SCCPDH: variants seen among roughly 807,000 people sequenced by gnomAD.
SCCPDH encodes saccharopine dehydrogenase (putative), also known as saccharopine dehydrogenase-like oxidoreductase.
SCCPDH carries 34 observed loss-of-function variants against 51.5 expected under a neutral mutation model. The ratio of observed to expected loss-of-function variants is 0.66; its 90% CI spans 0.50 to 0.88. The LOEUF (loss-of-function observed/expected upper bound fraction) is 0.88. Among genes scored for constraint, SCCPDH ranks in the 40% least tolerant of loss-of-function variants. The pLI, the probability that SCCPDH is intolerant of heterozygous loss-of-function variation, is 0.00. For synonymous variants in SCCPDH, 187 were observed against 191.3 expected (o/e 0.98, Z 0.19); for missense variants, 464 against 527.1 (o/e 0.88, Z 1.17).
chr1:246,746,249 G>A (rs532211703), intron 5 of SCCPDH, among the ~76,000 whole-genome samples: 34 of 152,174 alleles, frequency 2.2e-4, no homozygotes, highest in Middle Eastern at 3.4e-3. Flanking sequence ...GGGGGTCCAC[G>A]TGAGAGGATC....
intron 2 of SCCPDH, among the ~76,000 whole-genome samples, chr1:246,730,789 TG>T (rs2102980246): frequency 6.6e-6 from 1 of 152,286 alleles, no homozygotes; most frequent in African/African-American, 2.4e-5. Context: ...CCAGGCGCGG[TG>T]GGTCATGCCT....
rs1477360138 is a variant in SCCPDH at position 246,759,149 on chromosome 1, C to T, written c.811C>T (p.Pro271Ser). The T allele has an allele frequency of 3.6e-6, 5 of 1,388,778 alleles. No individual in the cohort carries two copies. Among genetic ancestry groups the T allele is most frequent in the Middle Eastern group, 1.8e-4 (1 of 5,648 alleles). The allele number at this position is 1,388,778 out of a possible 1,614,324, so 86.0% of individuals were successfully genotyped here. The change falls in exon 7 of 12, where the codon CCA (proline) becomes TCA (serine). Residue 271 changes from proline (P) to serine (S), a missense_variant and splice_region_variant. Pro to Ser is a moderately conservative substitution (Grantham distance 74, BLOSUM62 -1). Transcript: ENST00000366510. ...RYLYENLEES[P>S]VQYAAYVTVG... The stretch of plus-strand genomic sequence containing the variant: ...CTTGTATGAAAATTTAGAGGAATCA[C>T]CAGTAAGTATATATGGTTTATTTAT...
rs1036438660 is a variant in SCCPDH at position 246,764,754 on chromosome 1, C to T, written c.1102+397C>T. Among the ~76,000 whole-genome samples the T allele has an allele frequency of 2.0e-5, 3 of 152,342 alleles. No homozygotes were observed. The Middle Eastern group carries it at 0.01, about 518-fold the overall frequency. ...ACATTGTTTGTAAAATATGTATGCA[C>T]ACGTGCACTTTTCAAGGGAAGGGAA... is the stretch of plus-strand genomic sequence containing the variant. On this transcript the variant is annotated intron_variant, in intron 10 of 11. Transcript: ENST00000366510.
intron 6 of SCCPDH, 109 bp downstream of exon 6, chr1:246,758,465 G>C: frequency 1.4e-6 from 1 of 706,282 alleles, no homozygotes; most frequent in Non-Finnish European, 2.2e-6. Context: ...CTAATTTGTA[G>C]TAAGTTCAGA....
intron 7 of SCCPDH, among the ~76,000 whole-genome samples, chr1:246,759,615 T>C (rs980781715): frequency 6.6e-6 from 1 of 152,236 alleles, no homozygotes; most frequent in African/African-American, 2.4e-5. Flanking sequence ...CATTTTCTTA[T>C]AGGAGTCTAC....
chr1:246,734,805 AT>A (rs1252873300), intron 2 of SCCPDH, among the ~76,000 whole-genome samples: 2 of 152,228 alleles, frequency 1.3e-5, no homozygotes, highest in Admixed American at 6.5e-5. Context: ...AAAGGAAAAG[AT>A]TTGTCATGCT....
At chr1:246,746,567 G>T (rs142024812) in intron 5 of SCCPDH, among the ~76,000 whole-genome samples, 1 of 152,146 alleles carries the variant, frequency 6.6e-6, no homozygotes, top group Admixed American at 6.5e-5. Context: ...GTGGCTAGGC[G>T]CAGTGGCTCA....
rs201724601 is a variant in SCCPDH, at chr1:246,767,334, G to C, written c.*34G>C. The C allele has an allele frequency of 7.9e-7, 1 of 1,269,898 alleles. No individual in the cohort carries two copies. The highest frequency in any genetic ancestry group is 1.4e-5 in the South Asian group (1 of 69,656). 78.7% of individuals were successfully genotyped at this position (1,269,898 alleles called of 1,614,324 possible). On this transcript the variant is annotated 3_prime_UTR_variant, in exon 12 of 12. Transcript: ENST00000366510. ...AGAATTAACTGAAGTCATAACGTGC[G>C]TGAATTAACAGCTTCTCTATTTGAT... is the stretch of plus-strand genomic sequence containing the variant.
intron 3 of SCCPDH, among the ~76,000 whole-genome samples, chr1:246,737,653 A>G (rs527941050): frequency 5.9e-5 from 9 of 151,838 alleles, no homozygotes; most frequent in Non-Finnish European, 1.2e-4. Context: ...GTGCAGTGCT[A>G]CGATCTTGGC....
chr1:246,752,084 C>T (rs537735422), intron 5 of SCCPDH, among the ~76,000 whole-genome samples: 1 of 152,036 alleles, frequency 6.6e-6, no homozygotes, highest in African/African-American at 2.4e-5. Context: ...CCGGCTAATT[C>T]TCCTTTTTTT....
chr1:246,724,447 C>T lies in SCCPDH; in HGVS notation c.25C>T (p.His9Tyr), dbSNP rs1370485856. Residue 9 changes from histidine (H) to tyrosine (Y), a missense_variant, in exon 1 of 12, where the codon CAC becomes TAC. Physicochemically the swap from His to Tyr is moderately conservative, Grantham distance 83 (BLOSUM62 2). Coordinates refer to ENST00000366510, the MANE Select transcript of SCCPDH (RefSeq NM_016002.3). MATEQRPF[H>Y]LVVFGASGFT... ...CATGGCGACCGAGCAGAGGCCTTTC[C>T]ACCTGGTGGTGTTCGGCGCGTCTGG... 2 of 1,586,440 alleles carry T rather than the reference C, an allele frequency of 1.3e-6. No individual in the cohort carries two copies. Among genetic ancestry groups the T allele is most frequent in the Non-Finnish European group, 1.7e-6 (2 of 1,169,348 alleles).
At chr1:246,758,983 C>A (rs754674802) in intron 6 of SCCPDH, 51 bp from the exon 7 acceptor site, 2 of 1,041,192 alleles carry the variant, frequency 1.9e-6, no homozygotes, top group Non-Finnish European at 3.0e-6. Context: ...CATTTACCAG[C>A]CAAAGTTGTA....
At chr1:246,743,460 G>A (rs572182539) in intron 4 of SCCPDH, among the ~76,000 whole-genome samples, 54 of 151,956 alleles carry the variant, frequency 3.6e-4, no homozygotes, top group African/African-American at 1.3e-3. Flanking sequence ...GTACGCGCCT[G>A]TAATCCCAGC....
chr1:246,739,427 C>T (rs1039026665), intron 3 of SCCPDH, among the ~76,000 whole-genome samples: 9 of 152,068 alleles, frequency 5.9e-5, no homozygotes, highest in Non-Finnish European at 8.8e-5. Context: ...TCATCAGAGA[C>T]AAGGAAAGTG....
intron 4 of SCCPDH, among the ~76,000 whole-genome samples, chr1:246,743,278 G>A (rs934248810): frequency 1.3e-5 from 2 of 151,966 alleles, no homozygotes; most frequent in African/African-American, 4.8e-5. Context: ...CACTGCAGCT[G>A]GCTAATTTTT....
At chr1:246,728,546 C>T (rs1358085656) in intron 2 of SCCPDH, among the ~76,000 whole-genome samples, 1 of 152,244 alleles carries the variant, frequency 6.6e-6, no homozygotes, top group Non-Finnish European at 1.5e-5. Context: ...TTGTGTGGTG[C>T]TTAGCACCTC....
At chr1:246,742,670 T>C (rs1221568268) in intron 4 of SCCPDH, among the ~76,000 whole-genome samples, 2 of 152,232 alleles carry the variant, frequency 1.3e-5, no homozygotes, top group Non-Finnish European at 2.9e-5. Flanking sequence ...GTTGATGACG[T>C]GGTTATTTAT....
At chr1:246,724,922 G>C (rs1291664796) in intron 1 of SCCPDH, among the ~76,000 whole-genome samples, 1 of 152,044 alleles carries the variant, frequency 6.6e-6, no homozygotes, top group Non-Finnish European at 1.5e-5. Context: ...TCAAGAACTT[G>C]AGTTGTCCCT....
intron 3 of SCCPDH, among the ~76,000 whole-genome samples, chr1:246,739,329 A>T (rs968393523): frequency 6.6e-6 from 1 of 152,192 alleles, no homozygotes; most frequent in Non-Finnish European, 1.5e-5. Flanking sequence ...TCCAAAACTC[A>T]TAATAATAAT....
Sources: gnomAD v4.1 joint callset for allele counts (sites outside exome capture counted in the v4.1 genomes callset) on GRCh38, gnomAD v4.1.1 for gene constraint, MANE v1.5 for transcripts, NCBI Gene and HGNC (gene_info 2026-07-23, HGNC 2026-07-21) for gene names.